Variants in LHX8 observed in about 807,000 individuals in gnomAD.
LHX8 encodes LIM/homeobox protein Lhx8.
LHX8 carries 12 observed loss-of-function variants against 40.3 expected under a neutral mutation model. The ratio of observed to expected loss-of-function variants is 0.30; its 90% confidence interval spans 0.19 to 0.48. LHX8 has a LOEUF of 0.48. LHX8 is among the 20% of genes least tolerant of loss of function. LHX8 has a pLI of 0.99. For missense variants in LHX8, 344 were observed against 433.7 expected (o/e 0.79, Z 1.84); for synonymous variants, 179 against 162.0 (o/e 1.10, Z -0.80).
chr1:75,142,201 C>T (rs1648334319), intron 4 of LHX8, among the ~76,000 whole-genome samples: 1 of 152,080 alleles, frequency 6.6e-6, no homozygotes, highest in Non-Finnish European at 1.5e-5. Flanking sequence ...GATTTTTAAA[C>T]TCCTTGCTTC....
At chr1:75,137,041 G>T in intron 2 of LHX8, 59 bp from the exon 3 acceptor site, 1 of 1,538,348 alleles carries the variant, frequency 6.5e-7, no homozygotes, top group Non-Finnish European at 8.8e-7. Flanking sequence ...CTTGTGGGTA[G>T]GTGGGATGCG....
chr1:75,142,445 T>G (rs953077758), intron 4 of LHX8, among the ~76,000 whole-genome samples: 7 of 152,152 alleles, frequency 4.6e-5, no homozygotes, highest in Admixed American at 4.6e-4. Flanking sequence ...TATTTTAAGA[T>G]TGACCTGCAT....
intron 7 of LHX8, among the ~76,000 whole-genome samples, chr1:75,155,383 C>A (rs1043421383): frequency 6.6e-5 from 10 of 151,820 alleles, no homozygotes; most frequent in African/African-American, 2.4e-4. Context: ...TACAGGCACC[C>A]GCCACCATGC....
At chr1:75,183,946 A>C in the LHX8 span, among the ~76,000 whole-genome samples, 1 of 152,226 alleles carries the variant, frequency 6.6e-6, no homozygotes, top group African/African-American at 2.4e-5. Context: ...TTCCAAGCAA[A>C]TGGAAATCAG....
the LHX8 span, among the ~76,000 whole-genome samples, chr1:75,173,796 G>A: frequency 6.6e-6 from 1 of 152,090 alleles, no homozygotes; most frequent in Admixed American, 6.5e-5. Flanking sequence ...TGATCTTTTT[G>A]ATTGTCTGAT....
intron 8 of LHX8, among the ~76,000 whole-genome samples, chr1:75,158,652 A>G (rs929168561): frequency 3.9e-5 from 6 of 152,150 alleles, no homozygotes; most frequent in Non-Finnish European, 5.9e-5. Flanking sequence ...TATTTGCCAT[A>G]AATCAAATGT....
intron 6 of LHX8, among the ~76,000 whole-genome samples, chr1:75,147,546 G>T (rs1349751606): frequency 1.3e-5 from 2 of 152,196 alleles, no homozygotes; most frequent in Non-Finnish European, 1.5e-5. Context: ...AGTGGAGAAT[G>T]CAATTAATTT....
intron 1 of LHX8, 64 bp downstream of exon 1, chr1:75,135,018 G>A (rs1648079234): frequency 2.5e-6 from 2 of 791,732 alleles, no homozygotes; most frequent in South Asian, 1.1e-4. Context: ...TGGGTCGGGA[G>A]GACTGGGCGG....
intron 7 of LHX8, among the ~76,000 whole-genome samples, chr1:75,155,943 T>C (rs564378751): frequency 2.6e-5 from 4 of 152,168 alleles, no homozygotes; most frequent in African/African-American, 9.6e-5. Context: ...TTTTAGTCAT[T>C]TGAACAAGGA....
the LHX8 span, among the ~76,000 whole-genome samples, chr1:75,171,989 A>G: frequency 6.6e-6 from 1 of 152,166 alleles, no homozygotes; most frequent in African/African-American, 2.4e-5. Flanking sequence ...TGGAAACTTC[A>G]GGGATGTGCT....
Position 75,136,687 on chromosome 1 carries a change from C to G in LHX8, c.73C>G (p.Leu25Val). The G allele has an allele frequency of 1.3e-6, 2 of 1,544,948 alleles. No homozygotes were observed. The highest frequency in any genetic ancestry group is 1.7e-6 in the Non-Finnish European group (2 of 1,146,500). Residue 25 changes from leucine (L) to valine (V), a missense_variant and splice_region_variant, in exon 2 of 9, where the codon CTG becomes GTG. By Grantham distance (32) the Leu-to-Val change is conservative. Coordinates refer to ENST00000356261, the MANE Select transcript of LHX8 (RefSeq NM_001256114.2). ...RTRKGAGEEG[L>V]VSPEGAGDED... ...TCGCAAAGGCGCCGGGGAAGAGGGA[C>G]TGGTGAGTGCGGAGGGGCTCGCGTG... is the stretch of plus-strand genomic sequence containing the variant.
chr1:75,130,625 G>T (rs1057030203), upstream of LHX8: 12 of 1,221,662 alleles, frequency 9.8e-6, no homozygotes, highest in Admixed American at 3.4e-5. Context: ...CTTACCCTCA[G>T]AAACTGTGGG....
In LHX8 at chr1:75,157,044, C is replaced by T. The variant is rs761472990; in HGVS notation, c.932C>T (p.Thr311Met). ...TCTGCCTACGTGCCCCAAGATGGAACGATGTTAACTGCGCTGCATAGTTAT... is the reference window on the plus strand; with the variant it reads ...TCTGCCTACGTGCCCCAAGATGGAATGATGTTAACTGCGCTGCATAGTTAT... ...AYSAYVPQDG[T>M]MLTALHSYMD... Residue 311 changes from threonine (T) to methionine (M), a missense_variant, in exon 8 of 9, where the codon ACG (threonine) becomes ATG (methionine). Thr to Met is a moderately conservative substitution (Grantham distance 81). Around this residue, in one of 3 missense-constraint regions of LHX8, gnomAD observed 89 missense variants for 92.8 expected, o/e 0.96. Coordinates refer to ENST00000356261, the MANE Select transcript of LHX8 (RefSeq NM_001256114.2). 5.0e-6 allele frequency: 8 copies of T among 1,614,134 alleles called. No homozygotes were observed. The highest frequency in any genetic ancestry group is 2.2e-5 in the East Asian group (1 of 44,876).
intron 3 of LHX8, among the ~76,000 whole-genome samples, chr1:75,138,646 C>T (rs1458852199): frequency 3.3e-5 from 5 of 152,016 alleles, no homozygotes; most frequent in Non-Finnish European, 7.4e-5. Context: ...CAATAATTAC[C>T]GTAATCTTTA....
the LHX8 span, among the ~76,000 whole-genome samples, chr1:75,187,295 A>G: frequency 1.3e-5 from 2 of 152,194 alleles, no homozygotes; most frequent in Non-Finnish European, 2.9e-5. Flanking sequence ...CCAACTCAGC[A>G]TGATAGACAG....
chr1:75,194,889 C>T, the LHX8 span, among the ~76,000 whole-genome samples: 2 of 152,098 alleles, frequency 1.3e-5, no homozygotes, highest in African/African-American at 2.4e-5. Flanking sequence ...CCAAACATTC[C>T]TCTTTATAAT....
chr1:75,159,753 A>T (rs561373398), intron 8 of LHX8: 19 of 152,246 alleles, frequency 1.2e-4, no homozygotes, highest in African/African-American at 4.6e-4. Flanking sequence ...GATGTTGGGT[A>T]TGAGTAACTA....
the LHX8 span, among the ~76,000 whole-genome samples, chr1:75,185,115 GC>G: frequency 1.4e-5 from 2 of 147,926 alleles, no homozygotes; most frequent in African/African-American, 2.6e-5. Flanking sequence ...GTAATAAATA[GC>G]CTACTAGCCA....
At chr1:75,149,156 A>G (rs1395590559) in intron 7 of LHX8, among the ~76,000 whole-genome samples, 1 of 152,118 alleles carries the variant, frequency 6.6e-6, no homozygotes, top group Non-Finnish European at 1.5e-5. Flanking sequence ...TTTTTTTATG[A>G]TTGTGTGTGT....
Sources: allele counts gnomAD v4.1 joint callset (sites outside exome capture counted in the v4.1 genomes callset), GRCh38; gene constraint gnomAD v4.1.1; regional missense constraint gnomAD v4.1.1; transcripts MANE v1.5; gene names NCBI Gene and HGNC (gene_info 2026-07-23, HGNC 2026-07-21).